The following BCL6 variants were observed in gnomAD, a reference collection of about 807,000 sequenced individuals.
BCL6 encodes BCL6 transcription repressor, also known as B-cell lymphoma 6 protein.
BCL6 carries 7 observed loss-of-function variants against 59.5 expected under a neutral mutation model. The observed-to-expected ratio is 0.12, with a 90% CI of 0.07 to 0.22. BCL6 has a LOEUF of 0.22. BCL6 is among the 10% of genes least tolerant of loss of function. BCL6 has a pLI of 1.00. For missense variants in BCL6, 685 were observed against 939.4 expected (o/e 0.73, Z 3.54); for synonymous variants, 339 against 349.7 (o/e 0.97, Z 0.34).
intron 1 of BCL6, among the ~76,000 whole-genome samples, 160 bp downstream of exon 1, chr3:187,745,250 A>T (rs2108485603): frequency 1.3e-5 from 2 of 152,268 alleles, no homozygotes; most frequent in East Asian, 1.9e-4. Context: ...ATAGATACAC[A>T]TAGAAAACTT....
At position 187,729,562 on chromosome 3, in the gene BCL6, G is replaced by A. The variant is rs761579263; in HGVS notation, c.843C>T (p.Leu281=). ...TTCGGGCTGAGGGGGCAGCAGGTTT[G>A]AGGCCCTCAGCCACACTGTAGTGCA... ...SDMHYSVAEG[L]KPAAPSARNA... Residue 281 remains leucine, a synonymous_variant, in exon 5 of 10, where the codon CTC becomes CTT. Coordinates refer to ENST00000406870, the MANE Select transcript of BCL6 (RefSeq NM_001706.5). The surrounding 1 kb of genome is among the most constrained non-coding windows in gnomAD (Gnocchi z 5.6). 36 of 1,613,900 alleles carry A rather than the reference G, an allele frequency of 2.2e-5. 1 individual carries two copies. In the South Asian group the frequency reaches 2.9e-4, roughly 13 times the overall value.
chr3:187,736,411 C>T (rs1302734061), intron 1 of BCL6: 1 of 152,228 alleles, frequency 6.6e-6, no homozygotes. Flanking sequence ...TACTTAAAAA[C>T]TTTCCTCTCT....
At chr3:187,724,846 T>C in intron 9 of BCL6, 95 bp downstream of exon 9, 2 of 1,454,518 alleles carry the variant, frequency 1.4e-6, no homozygotes, top group Non-Finnish European at 1.9e-6. Flanking sequence ...ACAGTTCCAC[T>C]GCCTCCCTGC....
At chr3:187,745,216 A>G (rs1711885045) in intron 1 of BCL6, among the ~76,000 whole-genome samples, 194 bp downstream of exon 1, 2 of 152,304 alleles carry the variant, frequency 1.3e-5, no homozygotes, top group East Asian at 1.9e-4. Flanking sequence ...CAGCTAGAAT[A>G]AATAAATATA....
intron 9 of BCL6, chr3:187,724,714 A>C: frequency 1.7e-6 from 1 of 578,704 alleles, no homozygotes; most frequent in Non-Finnish European, 3.0e-6. Flanking sequence ...CCCTCATTTT[A>C]AAGATGAGTC....
rs753410124 is a variant in BCL6, at chr3:187,729,340, G to A, written c.1065C>T (p.Ile355=). ...TESCSSKNAC[I]LQASGSPPAK... ...CTGGAGGGGAGCCAGAAGCCTGGAG[G>A]ATGCAGGCATTCTTACTGCTGCAGG... The change falls in exon 5 of 10, where the codon ATC becomes ATT. Residue 355 remains isoleucine (I), a synonymous_variant. Coordinates refer to ENST00000406870, the MANE Select transcript of BCL6 (RefSeq NM_001706.5). This position sits in a 1 kb window ranked among gnomAD's most constrained non-coding sequence, Gnocchi z 5.6. 6 of 1,614,054 alleles carry A rather than the reference G, an allele frequency of 3.7e-6. No individual in the cohort carries two copies. The highest frequency in any genetic ancestry group is 1.7e-5 in the Admixed American group (1 of 60,032).
rs67618905 is a variant in BCL6, at chr3:187,737,347, C to CAGAGAGAGAGAG, written c.-49-2452_-49-2441dup. 99 of 68,462 alleles carry CAGAGAGAGAGAG rather than the reference C, an allele frequency of 1.4e-3. 1 individual carries two copies. The highest frequency in any genetic ancestry group is 8.1e-3 in the Middle Eastern group (1 of 124). 4.2% of individuals were successfully genotyped at this position (68,462 alleles called of 1,614,324 possible). On this transcript the variant is annotated intron_variant, in intron 1 of 9. Transcript: ENST00000406870. ...GAGAGAGAGAAGACAGCAGAAACGACAGAGAGAGAGAGAGAGAGAGAGAGA... is the reference window on the plus strand; with the variant it reads ...GAGAGAGAGAAGACAGCAGAAACGACAGAGAGAGAGAGAGAGAGAGAGAGAGAGAGAGAGAGA...
Position 187,744,542 on chromosome 3 carries a change from G to A in BCL6, c.-50+868C>T, listed in dbSNP as rs186119619. On this transcript the variant is annotated intron_variant, in intron 1 of 9. Coordinates refer to ENST00000406870, the MANE Select transcript of BCL6 (RefSeq NM_001706.5). ...ATCACGGCTCTGAAAGGAAATAGTA[G>A]ACACGATACTTCATCTCATCTGGAT... Among the ~76,000 whole-genome samples the A allele has an allele frequency of 1.2e-3, 182 of 152,246 alleles. 1 individual carries two copies. The highest frequency in any genetic ancestry group is 4.2e-3 in the African/African-American group (175 of 41,542).
chr3:187,733,752 T>C, intron 2 of BCL6, 49 bp from the exon 3 acceptor site: 1 of 1,598,380 alleles, frequency 6.3e-7, no homozygotes, highest in Non-Finnish European at 8.5e-7. Context: ...ACCTGTTTCC[T>C]GCTTGCCACA....
In BCL6 at chr3:187,725,403, C is replaced by G; in HGVS notation, c.1839+96G>C. The G allele has an allele frequency of 6.4e-7, 1 of 1,570,844 alleles. No individual in the cohort carries two copies. Among genetic ancestry groups the G allele is most frequent in the East Asian group, 2.3e-5 (1 of 43,756 alleles). On this transcript the variant is annotated intron_variant, in intron 8 of 9. Coordinates refer to ENST00000406870, the MANE Select transcript of BCL6 (RefSeq NM_001706.5). This position sits in a 1 kb window ranked among gnomAD's most constrained non-coding sequence, Gnocchi z 4.7. Reference sequence around the variant, plus strand: ...CCGCTCCGCTTGCCTGCCCGCTCCACTTGCCTGCCCACTCCTCCGCTTGCC... The same window carrying G: ...CCGCTCCGCTTGCCTGCCCGCTCCAGTTGCCTGCCCACTCCTCCGCTTGCC...
intron 1 of BCL6, among the ~76,000 whole-genome samples, chr3:187,744,438 A>T (rs1576884925): frequency 6.6e-6 from 1 of 152,244 alleles, no homozygotes; most frequent in South Asian, 2.1e-4. Context: ...TAATTTTCAA[A>T]GTGTTCAACA....
intron 2 of BCL6, among the ~76,000 whole-genome samples, chr3:187,734,157 C>T (rs547564353): frequency 9.2e-5 from 14 of 152,272 alleles, no homozygotes; most frequent in African/African-American, 3.4e-4. Flanking sequence ...TCTCCTGCCT[C>T]GGTCTCCCGA....
intron 1 of BCL6, among the ~76,000 whole-genome samples, chr3:187,744,609 T>C (rs576008999): frequency 2.0e-5 from 3 of 152,156 alleles, no homozygotes; most frequent in East Asian, 1.9e-4. Flanking sequence ...AAGAGTTCGC[T>C]TGCATTTTTT....
chr3:187,729,451 G>A lies in BCL6; in HGVS notation c.954C>T (p.Pro318=), dbSNP rs760319131. ...SEDEIALHFE[P]PNAPLNRKGL... ...CCTTCCGGTTCAGGGGTGCATTGGGGGGCTCGAAATGCAGGGCAATCTCAT... is the reference window on the plus strand; with the variant it reads ...CCTTCCGGTTCAGGGGTGCATTGGGAGGCTCGAAATGCAGGGCAATCTCAT... Residue 318 remains proline, a synonymous_variant, in exon 5 of 10, where the codon CCC becomes CCT. Coordinates refer to ENST00000406870, the MANE Select transcript of BCL6 (RefSeq NM_001706.5). The surrounding 1 kb of genome is among the most constrained non-coding windows in gnomAD (Gnocchi z 5.6). 2.3e-5 allele frequency: 37 copies of A among 1,610,034 alleles called. No individual in the cohort carries two copies. The highest frequency in any genetic ancestry group is 3.1e-5 in the Non-Finnish European group (36 of 1,177,600).
At chr3:187,740,205 G>T (rs536254509) in intron 1 of BCL6, among the ~76,000 whole-genome samples, 1 of 152,190 alleles carries the variant, frequency 6.6e-6, no homozygotes, top group Admixed American at 6.5e-5. Context: ...ACAAATTCTG[G>T]CCTATCCACA....
intron 1 of BCL6, among the ~76,000 whole-genome samples, chr3:187,744,810 GA>G (rs3832246): frequency 0.19 from 28,179 of 151,978 alleles, 3,077 homozygotes; most frequent in Admixed American, 0.29. Context: ...AGGAGCGACG[GA>G]GCAAGGAAAG....
chr3:187,738,016 G>C (rs966679132), intron 1 of BCL6: 1 of 152,052 alleles, frequency 6.6e-6, no homozygotes, highest in African/African-American at 2.4e-5. Flanking sequence ...GGCTCGCGGG[G>C]AATACAGCAC....
At chr3:187,743,313 A>G (rs1397903054) in intron 1 of BCL6, among the ~76,000 whole-genome samples, 1 of 147,312 alleles carries the variant, frequency 6.8e-6, no homozygotes, top group Non-Finnish European at 1.5e-5. Context: ...AAAAGATTAA[A>G]TCCTGGCGGG....
chr3:187,741,733 T>C (rs2108480182), intron 1 of BCL6, among the ~76,000 whole-genome samples: 1 of 152,324 alleles, frequency 6.6e-6, no homozygotes, highest in East Asian at 1.9e-4. Flanking sequence ...CAGACCAGCC[T>C]ACCATTGCTC....
Sources: allele counts gnomAD v4.1 joint callset (sites outside exome capture counted in the v4.1 genomes callset), GRCh38; gene constraint gnomAD v4.1.1; non-coding constraint Gnocchi (gnomAD v3.1); transcripts MANE v1.5; gene names NCBI Gene and HGNC (gene_info 2026-07-23, HGNC 2026-07-21).